The following CCNY variants were observed in gnomAD, a reference collection of about 807,000 sequenced individuals.
The protein encoded by CCNY is cyclin Y.
A neutral mutation model predicts 42.8 loss-of-function variants in CCNY; 19 were observed. That is an observed-to-expected ratio of 0.44 (90% CI 0.31 to 0.65). The LOEUF is 0.65. Ranked by LOEUF, CCNY falls within the 30% of genes least tolerant of loss-of-function variation. The pLI, the probability that CCNY is intolerant of heterozygous loss-of-function variation, is 0.07. For synonymous variants in CCNY, 165 were observed against 162.7 expected (o/e 1.01, Z -0.11); for missense variants, 370 against 437.3 (o/e 0.85, Z 1.37).
chr10:35,551,999 TC>T (rs1402141338), intron 7 of CCNY, among the ~76,000 whole-genome samples: 2 of 152,190 alleles, frequency 1.3e-5, no homozygotes, highest in Non-Finnish European at 2.9e-5. Flanking sequence ...TACCCTATGA[TC>T]CAGCAATTCC....
chr10:35,551,407 T>G (rs928061989), intron 7 of CCNY, among the ~76,000 whole-genome samples: 3 of 152,264 alleles, frequency 2.0e-5, no homozygotes, highest in African/African-American at 4.8e-5. Flanking sequence ...TTTCCACATG[T>G]ACCTTTTTGC....
At chr10:35,426,250 C>CACAA (rs1254644995) in intron 1 of CCNY, among the ~76,000 whole-genome samples, 1 of 151,924 alleles carries the variant, frequency 6.6e-6, no homozygotes, top group South Asian at 2.1e-4. Flanking sequence ...CACACACACA[C>CACAA]ACAAACACAC....
At chr10:35,474,001 G>A (rs563100312) in intron 1 of CCNY, among the ~76,000 whole-genome samples, 2 of 152,326 alleles carry the variant, frequency 1.3e-5, no homozygotes, top group East Asian at 1.9e-4. Context: ...AAGGGGTCAG[G>A]GAGTTCCCTT....
At chr10:35,476,241 T>C (rs1172287406) in intron 1 of CCNY, among the ~76,000 whole-genome samples, 2 of 152,040 alleles carry the variant, frequency 1.3e-5, no homozygotes, top group African/African-American at 4.8e-5. Context: ...AGAAAGTCAA[T>C]AAGGATACCC....
chr10:35,361,714 T>A (rs942434930), intron 1 of CCNY, among the ~76,000 whole-genome samples: 2 of 152,234 alleles, frequency 1.3e-5, no homozygotes, highest in Non-Finnish European at 2.9e-5. Context: ...AGAACCATAT[T>A]ACATTATGTA....
chr10:35,550,491 G>A, intron 7 of CCNY, among the ~76,000 whole-genome samples: 1 of 151,748 alleles, frequency 6.6e-6, no homozygotes, highest in Non-Finnish European at 1.5e-5. Flanking sequence ...CACTCCTTTT[G>A]TCCCTCTACC....
Position 35,490,328 on chromosome 10 carries a change from G to C in CCNY, c.229+6850G>C, listed in dbSNP as rs556957089. Among the ~76,000 whole-genome samples, 5 of 152,212 alleles carry C rather than the reference G, an allele frequency of 3.3e-5. No individual in the cohort carries two copies. In the South Asian group the frequency reaches 1.0e-3, roughly 32 times the overall value. Reference sequence around the variant, plus strand: ...TATGTATTTCTTTATTTGTATTTTTGCCTATCACACCTGTTTCTTAGAATC... The same window carrying C: ...TATGTATTTCTTTATTTGTATTTTTCCCTATCACACCTGTTTCTTAGAATC... On this transcript the variant is annotated intron_variant, in intron 2 of 9. Coordinates refer to ENST00000374704, the MANE Select transcript of CCNY (RefSeq NM_145012.6).
chr10:35,551,970 C>A (rs547687771), intron 7 of CCNY, among the ~76,000 whole-genome samples: 14 of 152,230 alleles, frequency 9.2e-5, no homozygotes, highest in African/African-American at 3.4e-4. Context: ...GGCAGCTCCT[C>A]AAAAATTGAA....
chr10:35,461,350 A>G (rs1839153850), intron 1 of CCNY, among the ~76,000 whole-genome samples: 1 of 152,110 alleles, frequency 6.6e-6, no homozygotes, highest in Non-Finnish European at 1.5e-5. Context: ...GGAGCAAGGG[A>G]TGTGGTTAGT....
intron 1 of CCNY, among the ~76,000 whole-genome samples, chr10:35,470,467 A>T (rs904060983): frequency 6.6e-6 from 1 of 152,236 alleles, no homozygotes; most frequent in African/African-American, 2.4e-5. Flanking sequence ...AGGCCCACAC[A>T]TGTAGACGTG....
intron 1 of CCNY, among the ~76,000 whole-genome samples, chr10:35,412,860 CAAAAAAAAAAAA>C (rs10558250): frequency 5.8e-5 from 2 of 34,752 alleles, no homozygotes; most frequent in Non-Finnish European, 1.1e-4. Flanking sequence ...GACTCTGTCT[CAAAAAAAAAAAA>C]AAAAAAAAAA....
At chr10:35,291,108 C>T (rs991786903) in intron 3 of CCNY, among the ~76,000 whole-genome samples, 1 of 151,884 alleles carries the variant, frequency 6.6e-6, no homozygotes, top group African/African-American at 2.4e-5. Flanking sequence ...TGGGTTCAAG[C>T]GATTCTCCCA....
intron 2 of CCNY, among the ~76,000 whole-genome samples, chr10:35,499,645 A>C (rs1840071381): frequency 6.6e-6 from 1 of 152,194 alleles, no homozygotes; most frequent in African/African-American, 2.4e-5. Context: ...TGCTGAAGGC[A>C]GGGGCTGATG....
intron 1 of CCNY, among the ~76,000 whole-genome samples, chr10:35,454,471 C>G (rs1333207324): frequency 1.3e-5 from 2 of 152,222 alleles, no homozygotes; most frequent in Admixed American, 6.5e-5. Context: ...CAGCTTTGCA[C>G]TCTGACATTT....
At position 35,478,193 on chromosome 10, in the gene CCNY, C is replaced by T. The variant is rs1472079523; in HGVS notation, c.155-5211C>T. ...GCTCATGGGTAGGAAGAATCAATAT[C>T]GTGAAAATGGCCATACTGCCCAAGG... On this transcript the variant is annotated intron_variant, in intron 1 of 9. Transcript: ENST00000374704. 7.6e-3 allele frequency among the ~76,000 whole-genome samples: 1,103 copies of T among 144,572 alleles called. 5 individuals carry two copies. The highest frequency in any genetic ancestry group is 0.021 in the African/African-American group (811 of 38,884). 94.8% of individuals were successfully genotyped at this position (144,572 alleles called of 152,430 possible). A position where few individuals can be genotyped will look rare whatever the true frequency, so the allele number is the denominator to read the frequency against.
intron 7 of CCNY, among the ~76,000 whole-genome samples, chr10:35,550,201 C>T (rs1051374778): frequency 6.0e-5 from 9 of 148,846 alleles, no homozygotes; most frequent in Admixed American, 3.3e-4. Context: ...CATGACCCTA[C>T]AGTGCTCGTG....
chr10:35,251,921 A>G (rs2095712311), intron 3 of CCNY, among the ~76,000 whole-genome samples: 1 of 152,110 alleles, frequency 6.6e-6, no homozygotes, highest in Non-Finnish European at 1.5e-5. Context: ...TTTTTCTGCA[A>G]CTTTCAGACA....
chr10:35,258,054 G>C (rs932704660), intron 3 of CCNY, among the ~76,000 whole-genome samples: 7 of 152,148 alleles, frequency 4.6e-5, no homozygotes, highest in Admixed American at 4.6e-4. Flanking sequence ...ATTTTATTGT[G>C]CTTTTCAGCT....
At chr10:35,295,454 A>G (rs1235625900) in intron 3 of CCNY, among the ~76,000 whole-genome samples, 1 of 151,568 alleles carries the variant, frequency 6.6e-6, no homozygotes, top group African/African-American at 2.4e-5. Flanking sequence ...CTGGTCTTGA[A>G]CTCCGAACCT....
Sources: allele counts gnomAD v4.1 joint callset (sites outside exome capture counted in the v4.1 genomes callset), GRCh38; gene constraint gnomAD v4.1.1; transcripts MANE v1.5; gene names NCBI Gene and HGNC (gene_info 2026-07-23, HGNC 2026-07-21).